The following VIPR2 variants were observed in gnomAD, a reference collection of about 807,000 sequenced individuals.
The protein encoded by VIPR2 is vasoactive intestinal peptide receptor 2.
In VIPR2, 48 loss-of-function variants were observed where a neutral mutation model predicts 58.0. The observed-to-expected ratio is 0.83, with a 90% CI of 0.66 to 1.05. VIPR2 has a LOEUF of 1.05. Ranked by LOEUF, VIPR2 falls within the 50% of genes least tolerant of loss-of-function variation. The probability of loss-of-function intolerance (pLI) is 0.00; values close to 1 mark genes in which losing one functional copy is unlikely to be tolerated. For missense variants in VIPR2, 534 were observed against 558.0 expected (o/e 0.96, Z 0.43); for synonymous variants, 243 against 235.2 (o/e 1.03, Z -0.30).
At chr7:159,070,320 T>C (rs372236873) in intron 4 of VIPR2, among the ~76,000 whole-genome samples, 1 of 151,768 alleles carries the variant, frequency 6.6e-6, no homozygotes, top group East Asian at 1.9e-4. Flanking sequence ...GCCACTGCGG[T>C]CACTCTGGTT....
intron 8 of VIPR2, 73 bp from the exon 9 acceptor site, chr7:159,034,723 T>C (rs2071623): frequency 0.22 from 278,668 of 1,288,534 alleles, 34,352 homozygotes; most frequent in East Asian, 0.52. Flanking sequence ...AATGAGCGCC[T>C]GCCCCTCCCA....
chr7:159,132,914 A>C (rs2974950), intron 2 of VIPR2, among the ~76,000 whole-genome samples: 997 of 42,224 alleles, frequency 0.024, 13 homozygotes, highest in East Asian at 0.041. Flanking sequence ...ATTGGCATAC[A>C]GATTGATTTC....
chr7:159,138,474 C>T (rs1797317670), intron 2 of VIPR2, among the ~76,000 whole-genome samples: 1 of 152,168 alleles, frequency 6.6e-6, no homozygotes, highest in Admixed American at 6.5e-5. Context: ...AAAACGGTCA[C>T]TAGAACATTG....
intron 4 of VIPR2, among the ~76,000 whole-genome samples, chr7:159,086,032 C>T (rs1379978009): frequency 6.6e-6 from 1 of 152,168 alleles, no homozygotes; most frequent in Non-Finnish European, 1.5e-5. Flanking sequence ...CAATATTATA[C>T]CAAAGCCATC....
Position 159,039,601 on chromosome 7 carries a change from G to GTGGGGCCTTGCCACAGGGA in VIPR2, c.598-2700_598-2699insTCCCTGTGGCAAGGCCCCA, listed in dbSNP as rs1415469298. On this transcript the variant is annotated intron_variant, in intron 6 of 12. Coordinates refer to ENST00000262178, the MANE Select transcript of VIPR2 (RefSeq NM_003382.5). The stretch of plus-strand genomic sequence containing the variant: ...ACCCGCTGTGGGAGGGTGTTAGTGG[G>GTGGGGCCTTGCCACAGGGA]TGGCGCTTTGCGATGGGATTAGTGC... Among the ~76,000 whole-genome samples the GTGGGGCCTTGCCACAGGGA allele has an allele frequency of 4.6e-5, 7 of 152,326 alleles. No homozygotes were observed. The East Asian group carries it at 1.2e-3, about 25-fold the overall frequency.
rs768737497 is a variant in VIPR2, at chr7:159,109,852, C to T, written c.219G>A (p.Val73=). 1.2e-6 allele frequency: 2 copies of T among 1,614,178 alleles called. No individual in the cohort carries two copies. The highest frequency in any genetic ancestry group is 1.7e-6 in the Non-Finnish European group (2 of 1,180,046). ...RPANVGETVT[V]PCPKVFSNFY... ...AATTGCTGAAGACTTTTGGGCAGGG[C>T]ACCGTGACGGTCTCTCCCACATTGG... is the stretch of plus-strand genomic sequence containing the variant. The change falls in exon 3 of 13, where the codon GTG becomes GTA. Residue 73 remains valine, a synonymous_variant. Coordinates refer to ENST00000262178, the MANE Select transcript of VIPR2 (RefSeq NM_003382.5).
chr7:159,132,353 G>C (rs563606326), intron 2 of VIPR2, among the ~76,000 whole-genome samples: 2 of 139,520 alleles, frequency 1.4e-5, no homozygotes, highest in African/African-American at 5.2e-5. Flanking sequence ...CCGACTCCAT[G>C]GGAGCAGTTT....
Position 159,043,115 on chromosome 7 carries a change from C to T in VIPR2, c.517G>A (p.Ala173Thr), listed in dbSNP as rs147024789. ...TCGTCCTTGACCAGCACTGAGATGG[C>T]TCTCAGGATGAAGGACAGGAACAGG... ...LNLFLSFILR[A>T]ISVLVKDDVL... Residue 173 changes from alanine to threonine, a missense_variant, in exon 6 of 13, where the codon GCC (alanine) becomes ACC (threonine). Physicochemically the swap from Ala to Thr is moderately conservative, Grantham distance 58. Around this residue, in one of 3 missense-constraint regions of VIPR2, gnomAD observed 224 missense variants for 255.7 expected, o/e 0.88. Coordinates refer to ENST00000262178, the MANE Select transcript of VIPR2 (RefSeq NM_003382.5). 47 of 1,613,824 alleles carry T rather than the reference C, an allele frequency of 2.9e-5. No individual in the cohort carries two copies. The highest frequency in any genetic ancestry group is 4.0e-5 in the Non-Finnish European group (47 of 1,179,992).
chr7:159,141,735 G>C (rs922292311), intron 2 of VIPR2, among the ~76,000 whole-genome samples: 1 of 152,176 alleles, frequency 6.6e-6, no homozygotes, highest in East Asian at 1.9e-4. Context: ...CTTGAATAAA[G>C]CCCACCATCT....
chr7:159,055,115 G>C (rs1855231778), intron 5 of VIPR2, among the ~76,000 whole-genome samples: 2 of 152,130 alleles, frequency 1.3e-5, no homozygotes, highest in Non-Finnish European at 2.9e-5. Flanking sequence ...ATTTTTTTGA[G>C]TGGAATACTA....
intron 8 of VIPR2, chr7:159,035,606 C>T (rs1392411502): frequency 1.1e-6 from 1 of 870,908 alleles, no homozygotes; most frequent in Non-Finnish European, 1.4e-6. Context: ...ATCACCTGAC[C>T]TTCCACTTTG....
intron 5 of VIPR2, among the ~76,000 whole-genome samples, chr7:159,047,929 G>A (rs1326542928): frequency 6.6e-6 from 1 of 152,146 alleles, no homozygotes; most frequent in Admixed American, 6.5e-5. Flanking sequence ...TATAATTTAT[G>A]TTTTCTCAGT....
intron 4 of VIPR2, among the ~76,000 whole-genome samples, chr7:159,062,691 T>C (rs886597435): frequency 7.1e-6 from 1 of 141,206 alleles, no homozygotes; most frequent in African/African-American, 2.5e-5. Flanking sequence ...TGCAGCAAGA[T>C]TTATTACAAA....
chr7:159,105,060 C>T (rs551079631), intron 3 of VIPR2, among the ~76,000 whole-genome samples: 18 of 152,344 alleles, frequency 1.2e-4, no homozygotes, highest in East Asian at 1.9e-4. Context: ...TTTGCGCCTA[C>T]GGAACTAAAA....
At chr7:159,065,458 G>C (rs1005760114) in intron 4 of VIPR2, among the ~76,000 whole-genome samples, 2 of 152,188 alleles carry the variant, frequency 1.3e-5, no homozygotes, top group Non-Finnish European at 2.9e-5. Context: ...GGAGAGTGGA[G>C]GCTGCACAGT....
chr7:159,122,004 A>C lies in VIPR2; in HGVS notation c.152-12085T>G, dbSNP rs1796471142. 2.0e-5 allele frequency among the ~76,000 whole-genome samples: 3 copies of C among 152,350 alleles called. No individual in the cohort carries two copies. In the South Asian group the frequency reaches 6.2e-4, roughly 32 times the overall value. Reference sequence around the variant, plus strand: ...ACAGATACAAAAGCCAAGACGTGAAAAGTTGTTGAACCAGAGCTTACACCA... The same window carrying C: ...ACAGATACAAAAGCCAAGACGTGAACAGTTGTTGAACCAGAGCTTACACCA... On this transcript the variant is annotated intron_variant, in intron 2 of 12. Transcript: ENST00000262178.
chr7:159,101,060 C>T (rs1858187331), intron 4 of VIPR2, among the ~76,000 whole-genome samples: 1 of 145,296 alleles, frequency 6.9e-6, no homozygotes, highest in East Asian at 2.1e-4. Flanking sequence ...CAAGGCCGTT[C>T]CCCCGACTGT....
At chr7:159,102,919 C>T (rs1252229062) in intron 4 of VIPR2, among the ~76,000 whole-genome samples, 2 of 152,216 alleles carry the variant, frequency 1.3e-5, no homozygotes, top group Non-Finnish European at 2.9e-5. Flanking sequence ...CCTCTGGCTG[C>T]AGGTTGCTAT....
chr7:159,094,992 A>T (rs1257869487), intron 4 of VIPR2, among the ~76,000 whole-genome samples: 2 of 152,152 alleles, frequency 1.3e-5, no homozygotes, highest in Non-Finnish European at 2.9e-5. Flanking sequence ...GATCTCCTGA[A>T]CCTAGTCCCA....
Sources: allele counts gnomAD v4.1 joint callset (sites outside exome capture counted in the v4.1 genomes callset), GRCh38; gene constraint gnomAD v4.1.1; regional missense constraint gnomAD v4.1.1; transcripts MANE v1.5; gene names NCBI Gene and HGNC (gene_info 2026-07-23, HGNC 2026-07-21).